The following PCNT variants were observed in gnomAD, a reference collection of about 807,000 sequenced individuals.
PCNT encodes the protein kendrin.
In PCNT, 319 loss-of-function variants were observed where a neutral mutation model predicts 380.4. The observed-to-expected ratio is 0.84, with a 90% CI of 0.77 to 0.92. The LOEUF (loss-of-function observed/expected upper bound fraction) is 0.92. Ranked by LOEUF, PCNT falls within the 40% of genes least tolerant of loss-of-function variation. The pLI is 0.00. For missense variants in PCNT, 4,400 were observed against 4,255.3 expected, an observed-to-expected ratio of 1.03 and a Z score of -0.95; for synonymous variants, 1,845 against 1,735.2, an observed-to-expected ratio of 1.06 and a Z score of -1.57.
intron 1 of PCNT, among the ~76,000 whole-genome samples, chr21:46,324,526 G>A (rs1185801550): frequency 6.7e-6 from 1 of 149,972 alleles, no homozygotes; most frequent in Non-Finnish European, 1.5e-5. Context: ...GACGCGCGGC[G>A]CCTCTCGGGC....
chr21:46,403,662 C>A (rs1341390996), intron 27 of PCNT, among the ~76,000 whole-genome samples: 1 of 127,292 alleles, frequency 7.9e-6, no homozygotes, highest in African/African-American at 3.1e-5. Context: ...ATGAACACAG[C>A]GTGGGAGAAT....
chr21:46,353,957 T>C (rs1241136845), intron 10 of PCNT, 30 bp from the exon 11 acceptor site: 2 of 1,591,528 alleles, frequency 1.3e-6, no homozygotes, highest in Non-Finnish European at 1.7e-6. Flanking sequence ...GGTACGTGTG[T>C]AAAGCTTTTA....
At position 46,435,981 on chromosome 21, in the gene PCNT, G is replaced by A. The variant is rs773483379; in HGVS notation, c.8829G>A (p.Ser2943=). 10 of 1,612,932 alleles carry A rather than the reference G, an allele frequency of 6.2e-6. No individual in the cohort carries two copies. The East Asian group carries it at 6.9e-5, about 11-fold the overall frequency. The change falls in exon 39 of 47, where the codon TCG becomes TCA. Residue 2943 remains serine (S), a synonymous_variant. Transcript: ENST00000359568. ...AGCAGACAGTGAGAGACCTGGAGTC[G>A]AAGGACGAGGTGCCTGGCAGCCGCC... is the stretch of plus-strand genomic sequence containing the variant. The part of the protein sequence containing the change: ...QLQQTVRDLE[S]KDEVPGSRLH...
At chr21:46,326,081 A>AT (rs1393040977) in intron 1 of PCNT, among the ~76,000 whole-genome samples, 3 of 152,102 alleles carry the variant, frequency 2.0e-5, no homozygotes, top group Admixed American at 6.6e-5. Flanking sequence ...TTTTATACAA[A>AT]TTTTTTTTAA....
At chr21:46,353,411 C>G in intron 10 of PCNT, 85 bp downstream of exon 10, 2 of 1,130,802 alleles carry the variant, frequency 1.8e-6, no homozygotes, top group Non-Finnish European at 2.7e-6. Flanking sequence ...TTGGTGATTT[C>G]ATGCTAGTAG....
In PCNT at chr21:46,440,117, C is replaced by T. The variant is rs763744633; in HGVS notation, c.9308C>T (p.Thr3103Met). The T allele has an allele frequency of 2.4e-5, 39 of 1,613,978 alleles. No homozygotes were observed. The highest frequency in any genetic ancestry group is 1.8e-4 in the South Asian group (16 of 91,088). The stretch of plus-strand genomic sequence containing the variant: ...AGGTCTGCTTGGAAGCCAGACGAAA[C>T]GGCTCCACAGAGTTCCCTGAGGCGC... The part of the protein sequence containing the change: ...SERSAWKPDE[T>M]APQSSLRRPD... Residue 3103 changes from threonine to methionine, a missense_variant, in exon 42 of 47, where the codon ACG becomes ATG. Physicochemically the swap from Thr to Met is moderately conservative, Grantham distance 81 (BLOSUM62 -1). Transcript: ENST00000359568.
At chr21:46,331,958 G>A (rs988037732) in intron 2 of PCNT, among the ~76,000 whole-genome samples, 5 of 152,124 alleles carry the variant, frequency 3.3e-5, no homozygotes, top group Non-Finnish European at 5.9e-5. Flanking sequence ...TCAGGAGTTC[G>A]AGACCAGCCT....
chr21:46,387,554 TG>T (rs1367830087), intron 17 of PCNT, among the ~76,000 whole-genome samples: 1 of 152,038 alleles, frequency 6.6e-6, no homozygotes, highest in African/African-American at 2.4e-5. Flanking sequence ...GACGCCCTGA[TG>T]CCTGCAGGAG....
chr21:46,418,382 C>T, intron 31 of PCNT, 76 bp downstream of exon 31: 1 of 908,874 alleles, frequency 1.1e-6, no homozygotes, highest in Non-Finnish European at 1.8e-6. Flanking sequence ...AGAATTCCTG[C>T]ATCCTTTGCC....
intron 27 of PCNT, among the ~76,000 whole-genome samples, chr21:46,407,056 A>T (rs2086640971): frequency 6.6e-6 from 1 of 152,218 alleles, no homozygotes; most frequent in Non-Finnish European, 1.5e-5. Context: ...GCTTTGTATG[A>T]AGGTTATGTT....
chr21:46,416,182 T>C lies in PCNT; in HGVS notation c.6264T>C (p.Asn2088=). 1 of 1,614,174 alleles carries C rather than the reference T, an allele frequency of 6.2e-7. No homozygotes were observed. The highest frequency in any genetic ancestry group is 1.3e-5 in the African/African-American group (1 of 75,022). Residue 2088 remains asparagine (N), a synonymous_variant, in exon 30 of 47, where the codon AAT becomes AAC. Coordinates refer to ENST00000359568, the MANE Select transcript of PCNT (RefSeq NM_006031.6). ...NRLLYSMTFQ[N]VDAADTKSLW... is the part of the protein sequence containing the mutation. ...TGCTGTATTCCATGACCTTCCAGAA[T>C]GTGGATGCTGCCGACACCAAATCTC...
rs1224236380 is a variant in PCNT at position 46,411,275 on chromosome 21, G to C, written c.5202G>C (p.Glu1734Asp). ...AGAATCAGAAACGATTACAAAAGGA[G>C]AAAGCAGAGGAAATTGAACAACTCC... is the stretch of plus-strand genomic sequence containing the variant. ...LQENQKRLQK[E>D]KAEEIEQLHE... The change falls in exon 28 of 47, where the codon GAG becomes GAC. Residue 1734 changes from glutamate to aspartate, a missense_variant. Coordinates refer to ENST00000359568, the MANE Select transcript of PCNT (RefSeq NM_006031.6). 6.2e-7 allele frequency: 1 copy of C among 1,614,078 alleles called. No homozygotes were observed. The highest frequency in any genetic ancestry group is 1.3e-5 in the African/African-American group (1 of 74,942).
At chr21:46,440,527 C>G (rs2053579936) in intron 42 of PCNT, among the ~76,000 whole-genome samples, 2 of 152,256 alleles carry the variant, frequency 1.3e-5, no homozygotes, top group Non-Finnish European at 2.9e-5. Context: ...CTCCTGATGG[C>G]ACACGGTCCC....
In PCNT at chr21:46,328,934, C is replaced by T. The variant is rs1295855905; in HGVS notation, c.267+2345C>T. ...GATTACAAGTGGGCACCACCATGGC[C>T]GGCTAATTTTTGTATTTGTTTGGTT... On this transcript the variant is annotated intron_variant, in intron 2 of 46. Coordinates refer to ENST00000359568, the MANE Select transcript of PCNT (RefSeq NM_006031.6). 6.6e-5 allele frequency among the ~76,000 whole-genome samples: 10 copies of T among 152,186 alleles called. No homozygotes were observed. In the East Asian group the frequency reaches 9.7e-4, roughly 15 times the overall value.
At chr21:46,372,320 A>G (rs1325555477) in intron 15 of PCNT, among the ~76,000 whole-genome samples, 2 of 152,022 alleles carry the variant, frequency 1.3e-5, no homozygotes, top group Admixed American at 6.5e-5. Flanking sequence ...CACAGCACGC[A>G]CACACAACAC....
intron 15 of PCNT, among the ~76,000 whole-genome samples, chr21:46,368,595 G>A (rs942714122): frequency 2.0e-5 from 3 of 152,256 alleles, no homozygotes; most frequent in African/African-American, 7.2e-5. Context: ...GACACGTGTT[G>A]TCGTATCACA....
chr21:46,424,874 A>G (rs2087429520), intron 32 of PCNT, among the ~76,000 whole-genome samples: 1 of 151,790 alleles, frequency 6.6e-6, no homozygotes, highest in South Asian at 2.1e-4. Flanking sequence ...AAGTGTTTTC[A>G]GTTGTTAGAG....
In PCNT at chr21:46,425,921, C is replaced by T. The variant is rs752369549; in HGVS notation, c.7270C>T (p.Arg2424Trp). The change falls in exon 33 of 47, where the codon CGG (arginine) becomes TGG (tryptophan). Residue 2424 changes from arginine (R) to tryptophan (W), a missense_variant. By Grantham distance (101) the Arg-to-Trp change is moderately radical (BLOSUM62 -3). Coordinates refer to ENST00000359568, the MANE Select transcript of PCNT (RefSeq NM_006031.6). The surrounding 1 kb of genome is among the most constrained non-coding windows in gnomAD (Gnocchi z 4.2). Reference protein sequence around the residue: ...APPSGEPHPPRKEDEIQDISL... With the variant: ...APPSGEPHPPWKEDEIQDISL... ...CCCAAGCGGCGAGCCACACCCACCC[C>T]GGAAGGAAGACGAGATACAGGACAT... 68 of 1,613,884 alleles carry T rather than the reference C, an allele frequency of 4.2e-5. No individual in the cohort carries two copies. The highest frequency in any genetic ancestry group is 5.3e-5 in the African/African-American group (4 of 74,880).
At chr21:46,418,616 C>T (rs1044683095) in intron 31 of PCNT, among the ~76,000 whole-genome samples, 5 of 152,242 alleles carry the variant, frequency 3.3e-5, no homozygotes, top group African/African-American at 1.2e-4. Flanking sequence ...CAGTAGTGTC[C>T]TTTATGGAAA....
Sources: gnomAD v4.1 joint callset for allele counts (sites outside exome capture counted in the v4.1 genomes callset) on GRCh38, gnomAD v4.1.1 for gene constraint, Gnocchi (gnomAD v3.1) non-coding constraint, MANE v1.5 for transcripts, NCBI Gene and HGNC (gene_info 2026-07-23, HGNC 2026-07-21) for gene names.